Variants in SRD5A2 observed in about 807,000 individuals in gnomAD.
SRD5A2 encodes steroid 5 alpha-reductase 2.
In SRD5A2, 30 loss-of-function variants were observed where a neutral mutation model predicts 27.4. The ratio of observed to expected loss-of-function variants is 1.10; its 90% confidence interval spans 0.82 to 1.49. The LOEUF is 1.49. Ranked by LOEUF, SRD5A2 falls within the 40% of genes most tolerant of loss-of-function variation. The pLI, the probability that SRD5A2 is intolerant of heterozygous loss-of-function variation, is 0.00. For missense variants in SRD5A2, 348 were observed against 323.4 expected (o/e 1.08, Z -0.58); for synonymous variants, 141 against 133.6 (o/e 1.06, Z -0.38).
chr2:31,626,782 G>A, the SRD5A2 span, among the ~76,000 whole-genome samples: 2,017 of 152,094 alleles, frequency 0.013, 22 homozygotes, highest in South Asian at 0.044. Flanking sequence ...GGATTTTTGC[G>A]TCAATGTTCA....
chr2:31,646,919 G>C, the SRD5A2 span, among the ~76,000 whole-genome samples: 10 of 152,236 alleles, frequency 6.6e-5, no homozygotes, highest in African/African-American at 2.2e-4. Flanking sequence ...GGTCAAGGCG[G>C]GCAGATCACT....
chr2:31,581,478 G>T (rs1033011860), upstream of SRD5A2, among the ~76,000 whole-genome samples: 1 of 152,054 alleles, frequency 6.6e-6, no homozygotes, highest in South Asian at 2.1e-4. Context: ...GCTCTGGGGC[G>T]CCGCGCTCCT....
chr2:31,649,777 C>G, the SRD5A2 span, among the ~76,000 whole-genome samples: 1 of 152,148 alleles, frequency 6.6e-6, no homozygotes, highest in East Asian at 1.9e-4. Flanking sequence ...TTGTCCCAAG[C>G]CATAGGATAT....
upstream of SRD5A2, among the ~76,000 whole-genome samples, chr2:31,581,451 C>T (rs1667082499): frequency 5.3e-5 from 8 of 152,180 alleles, no homozygotes; most frequent in Admixed American, 5.2e-4. Context: ...GCTCTCTGAG[C>T]GTCTGCCAGC....
chr2:31,626,906 T>C, the SRD5A2 span, among the ~76,000 whole-genome samples: 1 of 152,208 alleles, frequency 6.6e-6, no homozygotes, highest in South Asian at 2.1e-4. Flanking sequence ...TCTCTTTCTA[T>C]TGATTGGAAT....
intron 1 of SRD5A2, among the ~76,000 whole-genome samples, chr2:31,565,039 G>A (rs186544527): frequency 6.1e-4 from 93 of 151,812 alleles, no homozygotes; most frequent in African/African-American, 2.2e-3. Flanking sequence ...TAGCACATAT[G>A]TAAGTAAAAC....
Position 31,531,500 on chromosome 2 carries a change from T to C in SRD5A2, c.446-28A>G, listed in dbSNP as rs762391816. On this transcript the variant is annotated intron_variant, in intron 2 of 4. Transcript: ENST00000622030. ...TGACAAAGAAGAGAGAAAGGAGAAA[T>C]TTTTTTTAAATGTGTCCAGATTGTG... 3 of 1,477,700 alleles carry C rather than the reference T, an allele frequency of 2.0e-6. No individual in the cohort carries two copies. The South Asian group carries it at 3.7e-5, about 18-fold the overall frequency. The allele number at this position is 1,477,700 out of a possible 1,614,324, so 91.5% of individuals were successfully genotyped here.
In SRD5A2 at chr2:31,540,643, G is replaced by A. The variant is rs146720801; in HGVS notation, c.282-6877C>T. On this transcript the variant is annotated intron_variant, in intron 1 of 4. Transcript: ENST00000622030. ...GAGTATGTCTGATATAACTGTTTTG[G>A]AAATCTGGAGTCTATTGAAGGCTTG... Among the ~76,000 whole-genome samples, 828 of 152,288 alleles carry A rather than the reference G, an allele frequency of 5.4e-3. 6 individuals are homozygous for A. Among genetic ancestry groups the A allele is most frequent in the African/African-American group, 0.018 (764 of 41,554 alleles).
At chr2:31,549,175 C>A (rs571825142) in intron 1 of SRD5A2, among the ~76,000 whole-genome samples, 2 of 150,688 alleles carry the variant, frequency 1.3e-5, no homozygotes, top group East Asian at 3.9e-4. Context: ...TGCAGTGGCA[C>A]AATCTCGGCT....
the SRD5A2 span, among the ~76,000 whole-genome samples, chr2:31,598,761 A>T: frequency 2.6e-5 from 4 of 151,926 alleles, no homozygotes; most frequent in African/African-American, 9.7e-5. Context: ...GAAAGAAGGA[A>T]GAGAACACAA....
At chr2:31,638,887 T>G in the SRD5A2 span, among the ~76,000 whole-genome samples, 20 of 152,070 alleles carry the variant, frequency 1.3e-4, no homozygotes, top group African/African-American at 4.8e-4. Context: ...TGCCTTTGAA[T>G]TAGAGAACTG....
chr2:31,585,599 G>C (rs1278484045), upstream of SRD5A2, among the ~76,000 whole-genome samples: 1 of 152,148 alleles, frequency 6.6e-6, no homozygotes, highest in Admixed American at 6.5e-5. Context: ...AGTCATGGCA[G>C]CGTTCATCAC....
At chr2:31,654,777 C>T in the SRD5A2 span, among the ~76,000 whole-genome samples, 4 of 152,164 alleles carry the variant, frequency 2.6e-5, no homozygotes, top group South Asian at 2.1e-4. Context: ...ATCAGGCACA[C>T]CCACCATATC....
the SRD5A2 span, among the ~76,000 whole-genome samples, chr2:31,647,953 A>T: frequency 6.6e-6 from 1 of 152,312 alleles, no homozygotes; most frequent in African/African-American, 2.4e-5. Flanking sequence ...TTGCATGTGT[A>T]TTACTTTGCA....
intron 1 of SRD5A2, among the ~76,000 whole-genome samples, chr2:31,572,368 G>A (rs550817474): frequency 6.6e-6 from 1 of 152,120 alleles, no homozygotes; most frequent in Non-Finnish European, 1.5e-5. Context: ...CTTATTACTG[G>A]GGTGATGAAA....
the SRD5A2 span, among the ~76,000 whole-genome samples, chr2:31,617,237 A>G: frequency 6.6e-6 from 1 of 152,080 alleles, no homozygotes; most frequent in Non-Finnish European, 1.5e-5. Context: ...GACTTGTAAC[A>G]TCTGAAAGCC....
the SRD5A2 span, among the ~76,000 whole-genome samples, chr2:31,642,031 T>C: frequency 6.6e-6 from 1 of 151,954 alleles, no homozygotes; most frequent in Non-Finnish European, 1.5e-5. Flanking sequence ...AAAGGTGATA[T>C]GGTATTGGTG....
chr2:31,660,752 T>G, the SRD5A2 span, among the ~76,000 whole-genome samples: 1 of 152,074 alleles, frequency 6.6e-6, no homozygotes, highest in South Asian at 2.1e-4. Context: ...TATTTGTAAT[T>G]GCAAAACATT....
At chr2:31,582,271 A>T (rs1199500398), upstream of SRD5A2, among the ~76,000 whole-genome samples, 1 of 152,008 alleles carries the variant, frequency 6.6e-6, no homozygotes, top group Non-Finnish European at 1.5e-5. Flanking sequence ...CTTCTGCTGG[A>T]TCAGGCCAGC....
Sources: gnomAD v4.1 joint callset for allele counts (sites outside exome capture counted in the v4.1 genomes callset) on GRCh38, gnomAD v4.1.1 for gene constraint, MANE v1.5 for transcripts, NCBI Gene and HGNC (gene_info 2026-07-23, HGNC 2026-07-21) for gene names.